Variants in ACSBG1 observed in about 807,000 individuals in gnomAD.
ACSBG1 encodes acyl-CoA synthetase bubblegum family member 1, also known as long-chain-fatty-acid--CoA ligase ACSBG1.
In ACSBG1, 39 loss-of-function variants were observed where a neutral mutation model predicts 80.2. That is an observed-to-expected ratio of 0.49 (90% CI 0.38 to 0.64). The LOEUF (loss-of-function observed/expected upper bound fraction) is 0.64. Ranked by LOEUF, ACSBG1 falls within the 30% of genes least tolerant of loss-of-function variation. The pLI, the probability that ACSBG1 is intolerant of heterozygous loss-of-function variation, is 0.00. For synonymous variants in ACSBG1, 392 were observed against 379.5 expected, an observed-to-expected ratio of 1.03 and a Z score of -0.38; for missense variants, 828 against 966.4, an observed-to-expected ratio of 0.86 and a Z score of 1.90.
chr15:78,204,363 A>C (rs576694998), intron 2 of ACSBG1, among the ~76,000 whole-genome samples: 57 of 152,338 alleles, frequency 3.7e-4, no homozygotes, highest in African/African-American at 1.2e-3. Context: ...GGAGATGTGC[A>C]GGAGACCTCA....
intron 1 of ACSBG1, among the ~76,000 whole-genome samples, chr15:78,215,728 AAG>A (rs1491472942): frequency 4.0e-5 from 2 of 50,598 alleles, no homozygotes; most frequent in Non-Finnish European, 9.6e-5. Context: ...AAGAAAGAGA[AAG>A]AAAGAAAGAA....
rs2075087222 is a variant in ACSBG1 at position 78,194,069 on chromosome 15, C to A, written c.454-49G>T. ...CAGGTCAGCCGGGCAGGGACTGGGA[C>A]CCTCATGCCCCTCTCAGAGCCCCCA... On this transcript the variant is annotated intron_variant, in intron 3 of 13. Coordinates refer to ENST00000258873, the MANE Select transcript of ACSBG1 (RefSeq NM_015162.5). 6 of 1,566,756 alleles carry A rather than the reference C, an allele frequency of 3.8e-6. No individual in the cohort carries two copies. The East Asian group carries it at 1.3e-4, about 35-fold the overall frequency.
intron 2 of ACSBG1, 77 bp downstream of exon 2, chr15:78,207,925 A>AACCCCCCCCC: frequency 2.2e-6 from 1 of 454,978 alleles, no homozygotes. Context: ...GGTCCCCCAC[A>AACCCCCCCCC]CCACCCACCC....
At chr15:78,173,277 G>A (rs1362496921) in intron 13 of ACSBG1, among the ~76,000 whole-genome samples, 1 of 143,874 alleles carries the variant, frequency 7.0e-6, no homozygotes, top group Non-Finnish European at 1.5e-5. Context: ...CCCGCGAGGT[G>A]CAGGTTGCAG....
chr15:78,194,042 G>T lies in ACSBG1; in HGVS notation c.454-22C>A, dbSNP rs199517122. ...CGAGCTCCAGGTCAAAGGCAGACAG[G>T]CCAGGTCAGCCGGGCAGGGACTGGG... On this transcript the variant is annotated intron_variant, in intron 3 of 13. Transcript: ENST00000258873. 464 of 1,612,808 alleles carry T rather than the reference G, an allele frequency of 2.9e-4. 1 individual carries two copies. Among genetic ancestry groups the T allele is most frequent in the South Asian group, 5.7e-4 (52 of 91,052 alleles).
intron 11 of ACSBG1, chr15:78,174,941 C>T (rs1468796833): frequency 4.8e-5 from 9 of 188,712 alleles, no homozygotes. Flanking sequence ...TTAACTGTCA[C>T]AATAAACCAA....
intron 1 of ACSBG1, among the ~76,000 whole-genome samples, chr15:78,228,259 G>C (rs2075419620): frequency 6.6e-6 from 1 of 152,192 alleles, no homozygotes; most frequent in Admixed American, 6.5e-5. Flanking sequence ...GTCTCTCACA[G>C]GACCCAGTGT....
At position 78,188,231 on chromosome 15, in the gene ACSBG1, A is replaced by G. The variant is rs1250866942; in HGVS notation, c.663+5275T>C. Among the ~76,000 whole-genome samples, 15 of 151,196 alleles carry G rather than the reference A, an allele frequency of 9.9e-5. No individual in the cohort carries two copies. The East Asian group carries it at 1.8e-3, about 18-fold the overall frequency. On this transcript the variant is annotated intron_variant, in intron 5 of 13. Coordinates refer to ENST00000258873, the MANE Select transcript of ACSBG1 (RefSeq NM_015162.5). ...CTCATGGGTAGGAAGAATCAATATC[A>G]TGAAAATGGCCATACTGCCCAAGGT... is the stretch of plus-strand genomic sequence containing the variant.
At chr15:78,206,893 G>A (rs905699706) in intron 2 of ACSBG1, among the ~76,000 whole-genome samples, 6 of 152,134 alleles carry the variant, frequency 3.9e-5, no homozygotes, top group Admixed American at 2.6e-4. Context: ...CTCCCTTCCT[G>A]CCCCTTGAAT....
In ACSBG1 at chr15:78,182,140, C is replaced by T. The variant is rs767039932; in HGVS notation, c.900G>A (p.Thr300=). The T allele has an allele frequency of 1.4e-5, 23 of 1,608,140 alleles. No homozygotes were observed. The highest frequency in any genetic ancestry group is 1.7e-5 in the Non-Finnish European group (20 of 1,179,702). The change falls in exon 8 of 14, where the codon ACG becomes ACA. Residue 300 remains threonine, a synonymous_variant. Transcript: ENST00000258873. ...CCTGGCTGCCGTACCGTGCCGTCCA[C>T]GTGATCTGGAGGACAAGTAGATGGA... is the stretch of plus-strand genomic sequence containing the variant. ...KGVMLSQDNI[T]WTARYGSQAG...
intron 5 of ACSBG1, among the ~76,000 whole-genome samples, chr15:78,190,943 A>C (rs1338131481): frequency 1.3e-5 from 2 of 152,212 alleles, no homozygotes; most frequent in African/African-American, 2.4e-5. Context: ...AAAAATAGCC[A>C]AATGGTGGCT....
In ACSBG1 at chr15:78,186,694, A is replaced by G. The variant is rs551779127; in HGVS notation, c.664-3909T>C. On this transcript the variant is annotated intron_variant, in intron 5 of 13. Coordinates refer to ENST00000258873, the MANE Select transcript of ACSBG1 (RefSeq NM_015162.5). The stretch of plus-strand genomic sequence containing the variant: ...AAGCAGTGTGTAGAGGGAAATTTAT[A>G]GCACTAAATGCCCACAAGAGAAAGC... Among the ~76,000 whole-genome samples, 2 of 152,308 alleles carry G rather than the reference A, an allele frequency of 1.3e-5. 1 individual carries two copies. Among genetic ancestry groups the G allele is most frequent in the East Asian group, 3.9e-4 (2 of 5,192 alleles).
intron 1 of ACSBG1, among the ~76,000 whole-genome samples, chr15:78,227,681 C>G (rs1031809639): frequency 6.6e-6 from 1 of 152,158 alleles, no homozygotes; most frequent in East Asian, 1.9e-4. Context: ...ACACCTTATA[C>G]AAGAATTTCA....
intron 2 of ACSBG1, among the ~76,000 whole-genome samples, chr15:78,199,658 CT>C (rs1221257567): frequency 3.3e-3 from 451 of 138,144 alleles, no homozygotes; most frequent in East Asian, 3.9e-3. Context: ...CCATTCCCAG[CT>C]TTTTTTTTTT....
chr15:78,178,443 T>A lies in ACSBG1; in HGVS notation c.1702+171A>T, dbSNP rs535512069. On this transcript the variant is annotated intron_variant, in intron 11 of 13. Coordinates refer to ENST00000258873, the MANE Select transcript of ACSBG1 (RefSeq NM_015162.5). The surrounding 1 kb of genome is among the most constrained non-coding windows in gnomAD (Gnocchi z 4.3). ...CCTCCCGAATAGCTGGGATTACAGGTGCATGCCACCACGCCCAGCTAATTT... is the reference window on the plus strand; with the variant it reads ...CCTCCCGAATAGCTGGGATTACAGGAGCATGCCACCACGCCCAGCTAATTT... Among the ~76,000 whole-genome samples, 2 of 152,202 alleles carry A rather than the reference T, an allele frequency of 1.3e-5. No homozygotes were observed. The highest frequency in any genetic ancestry group is 4.8e-5 in the African/African-American group (2 of 41,510).
At position 78,210,043 on chromosome 15, in the gene ACSBG1, G is replaced by A. The variant is rs762473051; in HGVS notation, c.132-1941C>T. On this transcript the variant is annotated intron_variant, in intron 1 of 13. Transcript: ENST00000258873. ...AAGCCAAGGGTCAAGCGTACTTATC[G>A]TGATTAGAACCTTCTGTTTATAGGG... 4.6e-5 allele frequency among the ~76,000 whole-genome samples: 7 copies of A among 152,332 alleles called. No homozygotes were observed. The East Asian group carries it at 1.4e-3, about 29-fold the overall frequency.
rs772440548 is a variant in ACSBG1 at position 78,173,652 on chromosome 15, T to C, written c.2030A>G (p.Tyr677Cys). 15 of 1,614,176 alleles carry C rather than the reference T, an allele frequency of 9.3e-6. No homozygotes were observed. The highest frequency in any genetic ancestry group is 1.3e-5 in the Non-Finnish European group (15 of 1,180,026). ...RVNMNAAARP[Y>C]HIQKWAILER... ...GAGAATGGCCCACTTCTGGATGTGG[T>C]AGGGCCGGGCCGCCGCGTTCATGTT... Residue 677 changes from tyrosine (Y) to cysteine (C), a missense_variant, in exon 13 of 14, where the codon TAC becomes TGC. Tyr to Cys is a radical substitution (Grantham distance 194). Coordinates refer to ENST00000258873, the MANE Select transcript of ACSBG1 (RefSeq NM_015162.5).
At chr15:78,185,036 A>G in intron 5 of ACSBG1, among the ~76,000 whole-genome samples, 4 of 127,816 alleles carry the variant, frequency 3.1e-5, no homozygotes, top group South Asian at 2.9e-4. Context: ...GAGGGAGAGA[A>G]AGGGGCGGAG....
chr15:78,201,647 C>G (rs2075169128), intron 2 of ACSBG1, among the ~76,000 whole-genome samples: 1 of 152,242 alleles, frequency 6.6e-6, no homozygotes. Flanking sequence ...CCTCCCCCTT[C>G]TTCTCATGTC....
Sources: gnomAD v4.1 joint callset for allele counts (sites outside exome capture counted in the v4.1 genomes callset) on GRCh38, gnomAD v4.1.1 for gene constraint, Gnocchi (gnomAD v3.1) non-coding constraint, MANE v1.5 for transcripts, NCBI Gene and HGNC (gene_info 2026-07-23, HGNC 2026-07-21) for gene names.